The following BDNF variants were observed in gnomAD, a reference collection of about 807,000 sequenced individuals.
BDNF encodes the protein neurotrophic factor BDNF precursor form.
In BDNF, 1 loss-of-function variant was observed where a neutral mutation model predicts 19.5. The observed-to-expected ratio is 0.05, with a 90% CI of 0.02 to 0.24. The LOEUF (loss-of-function observed/expected upper bound fraction) is 0.24. Among genes scored for constraint, BDNF ranks in the 10% least tolerant of loss-of-function variants. BDNF has a pLI of 1.00. For synonymous variants in BDNF, 100 were observed against 121.6 expected, an observed-to-expected ratio of 0.82 and a Z score of 1.17; for missense variants, 195 against 317.6, an observed-to-expected ratio of 0.61 and a Z score of 2.93.
chr11:27,691,295 A>T (rs559800692), intron 1 of BDNF, among the ~76,000 whole-genome samples: 2 of 152,278 alleles, frequency 1.3e-5, no homozygotes, highest in African/African-American at 4.8e-5. Flanking sequence ...GCCTTATATG[A>T]GAGAGTCAAT....
At chr11:27,707,958 A>G (rs4922793) in intron 1 of BDNF, among the ~76,000 whole-genome samples, 26,479 of 152,116 alleles carry the variant, frequency 0.17, 3,068 homozygotes, top group East Asian at 0.47. Context: ...ACAAACTAAG[A>G]CCATAGTCAG....
chr11:27,698,900 T>C (rs1245266139), intron 1 of BDNF, among the ~76,000 whole-genome samples: 2 of 152,042 alleles, frequency 1.3e-5, no homozygotes, highest in African/African-American at 4.8e-5. Context: ...ACACCGCCAA[T>C]CGAGGCTTAT....
intron 1 of BDNF, among the ~76,000 whole-genome samples, chr11:27,691,931 TA>T (rs555373974): frequency 6.6e-6 from 1 of 152,082 alleles, no homozygotes; most frequent in African/African-American, 2.4e-5. Flanking sequence ...TACTGAACCC[TA>T]AAAAAATATA....
intron 1 of BDNF, among the ~76,000 whole-genome samples, chr11:27,686,459 T>C (rs890338305): frequency 6.6e-6 from 1 of 152,236 alleles, no homozygotes; most frequent in Non-Finnish European, 1.5e-5. Context: ...GCTGGTTATT[T>C]TGCCCATTAG....
chr11:27,669,840 A>G (rs1370621730), intron 1 of BDNF, among the ~76,000 whole-genome samples: 1 of 152,110 alleles, frequency 6.6e-6, no homozygotes, highest in African/African-American at 2.4e-5. Flanking sequence ...ACCCAAGGTA[A>G]TTTATAGATT....
At chr11:27,668,450 C>CA (rs1389788143) in intron 1 of BDNF, among the ~76,000 whole-genome samples, 6 of 151,910 alleles carry the variant, frequency 3.9e-5, no homozygotes, top group Admixed American at 1.3e-4. Context: ...AAAACTCCTT[C>CA]AAAAAATCAA....
intron 1 of BDNF, among the ~76,000 whole-genome samples, chr11:27,682,854 T>A (rs1245181561): frequency 6.6e-6 from 1 of 152,230 alleles, no homozygotes; most frequent in African/African-American, 2.4e-5. Context: ...TTGTGAATAG[T>A]GCCACAATAA....
intron 1 of BDNF, chr11:27,674,921 TAAA>T (rs552203694): frequency 4.2e-4 from 375 of 886,804 alleles, no homozygotes; most frequent in Non-Finnish European, 4.5e-4. Context: ...TTAAACTTGA[TAAA>T]AAATAATAGC....
rs757956533 is a variant in BDNF, at chr11:27,699,338, G to A, written c.-22+826C>T. On this transcript the variant is annotated intron_variant, in intron 1 of 1. Transcript: ENST00000356660. ...CTTCTTCTTGCCCGTCAGGCACAGA[G>A]CCCCCAATCCTCAGCTATTTCTTTC... 5.6e-6 allele frequency: 9 copies of A among 1,611,424 alleles called. No homozygotes were observed. In the African/African-American group the frequency reaches 8.0e-5, roughly 14 times the overall value.
chr11:27,700,047 G>T, intron 1 of BDNF, 117 bp downstream of exon 1: 1 of 913,308 alleles, frequency 1.1e-6, no homozygotes, highest in Non-Finnish European at 1.3e-6. Context: ...CTACCGGAGG[G>T]GAGGAAAGAA....
At chr11:27,699,918 C>A (rs1859699903) in intron 1 of BDNF, among the ~76,000 whole-genome samples, 1 of 152,180 alleles carries the variant, frequency 6.6e-6, no homozygotes, top group African/African-American at 2.4e-5. Context: ...CTCCTCCAGG[C>A]CTTCCCTCCT....
chr11:27,699,381 C>T lies in BDNF; in HGVS notation c.-22+783G>A, dbSNP rs770019277. The stretch of plus-strand genomic sequence containing the variant: ...TTTCTTTCCAGGAGTAACTCACTCA[C>T]CCATTCCTCTTCCCGGCTCTGCATC... On this transcript the variant is annotated intron_variant, in intron 1 of 1. Coordinates refer to ENST00000356660, the MANE Select transcript of BDNF (RefSeq NM_001709.5). 12 of 1,614,132 alleles carry T rather than the reference C, an allele frequency of 7.4e-6. No individual in the cohort carries two copies. The South Asian group carries it at 1.1e-4, about 15-fold the overall frequency.
chr11:27,671,457 C>T (rs1590299603), intron 1 of BDNF, among the ~76,000 whole-genome samples: 1 of 151,926 alleles, frequency 6.6e-6, no homozygotes, highest in East Asian at 1.9e-4. Context: ...CACTGTAACA[C>T]AGGTATTTAA....
chr11:27,713,933 T>C (rs1860427666), intron 1 of BDNF, among the ~76,000 whole-genome samples: 1 of 152,250 alleles, frequency 6.6e-6, no homozygotes, highest in Non-Finnish European at 1.5e-5. Flanking sequence ...CACTAGACTT[T>C]AAAGATTTTT....
In BDNF at chr11:27,658,628, C is replaced by A. The variant is rs370087601; in HGVS notation, c.-21-43G>T. 13 of 1,614,024 alleles carry A rather than the reference C, an allele frequency of 8.1e-6. No homozygotes were observed. The highest frequency in any genetic ancestry group is 1.1e-5 in the Non-Finnish European group (13 of 1,180,012). On this transcript the variant is annotated intron_variant, in intron 1 of 1. Coordinates refer to ENST00000356660, the MANE Select transcript of BDNF (RefSeq NM_001709.5). This position sits in a 1 kb window ranked among gnomAD's most constrained non-coding sequence, Gnocchi z 5.7. Reference sequence around the variant, plus strand: ...AAACAAGACAGAAAACTGGTTAGGGCTTTCTTTCACCGGGATGCCATGTGG... The same window carrying A: ...AAACAAGACAGAAAACTGGTTAGGGATTTCTTTCACCGGGATGCCATGTGG...
At chr11:27,673,254 A>G (rs1475765252) in intron 1 of BDNF, among the ~76,000 whole-genome samples, 2 of 151,986 alleles carry the variant, frequency 1.3e-5, no homozygotes, top group African/African-American at 4.8e-5. Flanking sequence ...TGTACAAAAA[A>G]AAAAAAAAAA....
At chr11:27,660,135 C>G (rs1590227277) in intron 1 of BDNF, 1 of 1,059,160 alleles carries the variant, frequency 9.4e-7, no homozygotes, top group East Asian at 8.4e-5. Flanking sequence ...TGAAGTTTTA[C>G]TGAATTCAAA....
rs999135058 is a variant in BDNF at position 27,700,241 on chromosome 11, C to T, written c.-99G>A. 30 of 985,620 alleles carry T rather than the reference C, an allele frequency of 3.0e-5. No individual in the cohort carries two copies. The highest frequency in any genetic ancestry group is 3.6e-5 in the Non-Finnish European group (30 of 830,146). The allele number at this position is 985,620 out of a possible 1,614,324, so 61.1% of individuals were successfully genotyped here. ...TTCCGATTCTGGCTCCAGCGCCCAGCCCCGGTCCCCGTCGCGGTGCTGCTC... is the reference window on the plus strand; with the variant it reads ...TTCCGATTCTGGCTCCAGCGCCCAGTCCCGGTCCCCGTCGCGGTGCTGCTC... On this transcript the variant is annotated 5_prime_UTR_variant, in exon 1 of 2. Transcript: ENST00000356660.
At chr11:27,704,707 A>G (rs557816992), upstream of BDNF, among the ~76,000 whole-genome samples, 18 of 152,358 alleles carry the variant, frequency 1.2e-4, no homozygotes, top group African/African-American at 4.3e-4. Flanking sequence ...GATAATTTGA[A>G]AGGCCTGGTC....
Sources: allele counts gnomAD v4.1 joint callset (sites outside exome capture counted in the v4.1 genomes callset), GRCh38; gene constraint gnomAD v4.1.1; non-coding constraint Gnocchi (gnomAD v3.1); transcripts MANE v1.5; gene names NCBI Gene and HGNC (gene_info 2026-07-23, HGNC 2026-07-21).